The following ADAM33 variants were observed in gnomAD, a reference collection of about 807,000 sequenced individuals.
ADAM33 encodes ADAM metallopeptidase domain 33.
A neutral mutation model predicts 106.2 loss-of-function variants in ADAM33; 103 were observed. The observed-to-expected ratio is 0.97, with a 90% CI of 0.83 to 1.14. ADAM33 has a LOEUF of 1.14. Ranked by LOEUF, ADAM33 falls within the 50% of genes most tolerant of loss-of-function variation. The pLI, the probability that ADAM33 is intolerant of heterozygous loss-of-function variation, is 0.00. For synonymous variants in ADAM33, 483 were observed against 453.0 expected (o/e 1.07, Z -0.84); for missense variants, 1,120 against 1,096.6 (o/e 1.02, Z -0.30).
chr20:3,673,730 G>T lies in ADAM33; in HGVS notation c.905+15C>A. On this transcript the variant is annotated intron_variant, in intron 9 of 21. Coordinates refer to ENST00000356518, the MANE Select transcript of ADAM33 (RefSeq NM_025220.5). Reference sequence around the variant, plus strand: ...CGCCCCACCCGGGACCCGCGTCCGGGTCAGAGGCACCCACGTGAGCAGCTG... The same window carrying T: ...CGCCCCACCCGGGACCCGCGTCCGGTTCAGAGGCACCCACGTGAGCAGCTG... 6.8e-7 allele frequency: 1 copy of T among 1,464,792 alleles called. No homozygotes were observed. Among genetic ancestry groups the T allele is most frequent in the Non-Finnish European group, 9.0e-7 (1 of 1,113,846 alleles). The allele number at this position is 1,464,792 out of a possible 1,614,324, so 90.7% of individuals were successfully genotyped here. A position where few individuals can be genotyped will look rare whatever the true frequency, so the allele number is the denominator to read the frequency against.
At chr20:3,674,749 C>G in intron 5 of ADAM33, 24 bp downstream of exon 5, 2 of 1,597,094 alleles carry the variant, frequency 1.3e-6, no homozygotes, top group Non-Finnish European at 1.7e-6. Context: ...CATCCCAGGC[C>G]CAGCCTCCTC....
At chr20:3,681,818 G>A (rs1368053999) in intron 1 of ADAM33, 90 bp downstream of exon 1, 25 of 1,479,976 alleles carry the variant, frequency 1.7e-5, no homozygotes, top group Non-Finnish European at 2.1e-5. Flanking sequence ...GACCCTCCGC[G>A]CGCTGACCCG....
intron 1 of ADAM33, among the ~76,000 whole-genome samples, chr20:3,681,682 G>A (rs186657328): frequency 6.6e-6 from 1 of 152,152 alleles, no homozygotes; most frequent in Non-Finnish European, 1.5e-5. Flanking sequence ...CAGCCGGGCA[G>A]TGTGGGCAAG....
chr20:3,680,816 C>T (rs1034316096), intron 1 of ADAM33, among the ~76,000 whole-genome samples: 3 of 152,152 alleles, frequency 2.0e-5, no homozygotes, highest in Non-Finnish European at 4.4e-5. Flanking sequence ...TGGCCTTGCG[C>T]GCACGTGCTG....
chr20:3,673,518 G>T, intron 10 of ADAM33, 22 bp from the exon 11 acceptor site: 2 of 1,468,974 alleles, frequency 1.4e-6, no homozygotes, highest in Non-Finnish European at 8.9e-7. Flanking sequence ...TGGGAGGGCG[G>T]TCACTGCGGC....
intron 1 of ADAM33, 135 bp from the exon 2 acceptor site, chr20:3,679,706 C>G (rs538963134): frequency 1.5e-6 from 1 of 689,014 alleles, no homozygotes; most frequent in Admixed American, 2.5e-5. Flanking sequence ...ACCTTCAACA[C>G]GCGTGGGCTC....
rs1568828505 is a variant in ADAM33, at chr20:3,681,932, C to T, written c.73G>A (p.Val25Met). The change falls in exon 1 of 22, where the codon GTG becomes ATG. Residue 25 changes from valine (V) to methionine (M), a missense_variant. By Grantham distance (21) the Val-to-Met change is conservative (BLOSUM62 1). Coordinates refer to ENST00000356518, the MANE Select transcript of ADAM33 (RefSeq NM_025220.5). ...LLLLLLLLWP[V>M]PGAGVLQGHI... is the part of the protein sequence containing the mutation. ...CCTTGAAGCACCCCGGCGCCTGGCA[C>T]TGGCCAGAGCAGCAGCAGTAGTAGC... 2 of 1,582,628 alleles carry T rather than the reference C, an allele frequency of 1.3e-6. No individual in the cohort carries two copies. Among genetic ancestry groups the T allele is most frequent in the Non-Finnish European group, 1.7e-6 (2 of 1,165,678 alleles).
rs558390737 is a variant in ADAM33 at position 3,672,106 on chromosome 20, G to A, written c.1597+28C>T. 7.5e-6 allele frequency: 12 copies of A among 1,596,794 alleles called. No homozygotes were observed. In the East Asian group the frequency reaches 2.7e-4, roughly 36 times the overall value. On this transcript the variant is annotated intron_variant, in intron 14 of 21. Transcript: ENST00000356518. ...TGGCCCCACCAGAGGATGGGGGGCA[G>A]GGTGCAAGGGTGCTCGTGTCCTCTC...
chr20:3,672,545 G>T lies in ADAM33; in HGVS notation c.1393C>A (p.Arg465Ser), dbSNP rs2087613333. ...AQCAHGDCCV[R>S]CLLKPAGALC... Reference sequence around the variant, plus strand: ...ACCTTCCATGCCCTCACCAGGCAGCGCACGCAGCAGTCCCCGTGGGCGCAC... The same window carrying T: ...ACCTTCCATGCCCTCACCAGGCAGCTCACGCAGCAGTCCCCGTGGGCGCAC... Residue 465 changes from arginine (R) to serine (S), a missense_variant, in exon 13 of 22, where the codon CGC becomes AGC. Arg to Ser is a moderately radical substitution (Grantham distance 110). Transcript: ENST00000356518. The T allele has an allele frequency of 6.2e-7, 1 of 1,613,232 alleles. No individual in the cohort carries two copies. Among genetic ancestry groups the T allele is most frequent in the Non-Finnish European group, 8.5e-7 (1 of 1,179,688 alleles).
At chr20:3,672,674 A>G (rs761109951) in intron 12 of ADAM33, 47 bp downstream of exon 12, 3 of 1,607,760 alleles carry the variant, frequency 1.9e-6, no homozygotes, top group Middle Eastern at 1.7e-4. Flanking sequence ...GCAGCGCCCC[A>G]GACCTGAGCG....
chr20:3,674,549 C>T lies in ADAM33; in HGVS notation c.555G>A (p.Gly185=). ...GAAGGCTGGTCATGCCCGCTTTGTTCCCAGGATCCCTGTGGCCACAGGTTC... is the reference window on the plus strand; with the variant it reads ...GAAGGCTGGTCATGCCCGCTTTGTTTCCAGGATCCCTGTGGCCACAGGTTC... ...WKGTCGHRDP[G]NKAGMTSLPG... Residue 185 remains glycine (G), a synonymous_variant, in exon 6 of 22, where the codon GGG becomes GGA. Transcript: ENST00000356518. The T allele has an allele frequency of 6.2e-7, 1 of 1,613,658 alleles. No homozygotes were observed. Among genetic ancestry groups the T allele is most frequent in the Non-Finnish European group, 8.5e-7 (1 of 1,179,938 alleles).
rs2087594254 is a variant in ADAM33 at position 3,672,348 on chromosome 20, G to C, written c.1402-19C>G. Reference sequence around the variant, plus strand: ...GCTTCAGCTGCGCAGGTGACGGGTGGTGGGGAAGGCAGAGAGAGGCCACGT... The same window carrying C: ...GCTTCAGCTGCGCAGGTGACGGGTGCTGGGGAAGGCAGAGAGAGGCCACGT... On this transcript the variant is annotated intron_variant, in intron 13 of 21. Coordinates refer to ENST00000356518, the MANE Select transcript of ADAM33 (RefSeq NM_025220.5). 1 of 1,609,994 alleles carries C rather than the reference G, an allele frequency of 6.2e-7. No homozygotes were observed. Among genetic ancestry groups the C allele is most frequent in the African/African-American group, 1.3e-5 (1 of 75,052 alleles).
In ADAM33 at chr20:3,671,912, C is replaced by T. The variant is rs2087561850; in HGVS notation, c.1671G>A (p.Gln557=). The change falls in exon 15 of 22, where the codon CAG becomes CAA. Residue 557 remains glutamine, a synonymous_variant. Coordinates refer to ENST00000356518, the MANE Select transcript of ADAM33 (RefSeq NM_025220.5). ...SAGDAHGNCG[Q]DSEGHFLPCA... is the part of the protein sequence containing the mutation. ...AGGGCAGGAAGTGGCCCTCGCTGTC[C>T]TGGCCGCAGTTTCCATGAGCATCTC... 1.9e-6 allele frequency: 3 copies of T among 1,554,828 alleles called. No individual in the cohort carries two copies. The highest frequency in any genetic ancestry group is 2.6e-6 in the Non-Finnish European group (3 of 1,148,642).
At chr20:3,677,684 GC>G (rs1169841009) in intron 2 of ADAM33, among the ~76,000 whole-genome samples, 2 of 152,060 alleles carry the variant, frequency 1.3e-5, no homozygotes, top group African/African-American at 2.4e-5. Flanking sequence ...GCCTCCAGCA[GC>G]CCCCGTCCCT....
Position 3,668,535 on chromosome 20 carries a change from C to T in ADAM33, c.*428G>A, listed in dbSNP as rs1600191140. Reference sequence around the variant, plus strand: ...GGCTCCAGGGGAGTGTGGACTCAGTCGAACCATAGGGCCCCAGGACCACTA... The same window carrying T: ...GGCTCCAGGGGAGTGTGGACTCAGTTGAACCATAGGGCCCCAGGACCACTA... On this transcript the variant is annotated 3_prime_UTR_variant, in exon 22 of 22. Coordinates refer to ENST00000356518, the MANE Select transcript of ADAM33 (RefSeq NM_025220.5). 1 of 227,106 alleles carries T rather than the reference C, an allele frequency of 4.4e-6. No homozygotes were observed. Among genetic ancestry groups the T allele is most frequent in the Non-Finnish European group, 8.8e-6 (1 of 113,672 alleles). The allele number at this position is 227,106 out of a possible 1,614,324, so 14.1% of individuals were successfully genotyped here.
Position 3,674,693 on chromosome 20 carries a change from A to C in ADAM33, c.411T>G (p.Ser137Arg), listed in dbSNP as rs776787808. 1 of 1,606,648 alleles carries C rather than the reference A, an allele frequency of 6.2e-7. No homozygotes were observed. The highest frequency in any genetic ancestry group is 1.1e-5 in the South Asian group (1 of 90,186). ...WVVLCTCSGM[S>R]GLITLSRNAS... The stretch of plus-strand genomic sequence containing the variant: ...CATTCCTGCTGAGGGTGATCAGGCC[A>C]CTAGGGTGCAGAGGGGTAGGAGCGG... Residue 137 changes from serine to arginine, a missense_variant and splice_region_variant, in exon 6 of 22, where the codon AGT becomes AGG. By Grantham distance (110) the Ser-to-Arg change is moderately radical. Coordinates refer to ENST00000356518, the MANE Select transcript of ADAM33 (RefSeq NM_025220.5).
chr20:3,677,649 G>A (rs1295511168), intron 2 of ADAM33, among the ~76,000 whole-genome samples: 1 of 152,194 alleles, frequency 6.6e-6, no homozygotes, highest in Non-Finnish European at 1.5e-5. Flanking sequence ...TTGGCAAACT[G>A]CTCCCTCTTC....
rs41419248 is a variant in ADAM33 at position 3,673,394 on chromosome 20, C to A, written c.1093G>T (p.Ala365Ser). 662 of 1,547,554 alleles carry A rather than the reference C, an allele frequency of 4.3e-4. 4 individuals carry two copies. In the African/African-American group the frequency reaches 8.3e-3, roughly 19 times the overall value. Residue 365 changes from alanine to serine, a missense_variant, in exon 11 of 22, where the codon GCG (alanine) becomes TCG (serine). Ala to Ser is a moderately conservative substitution (Grantham distance 99). Transcript: ENST00000356518. Reference protein sequence around the residue: ...HDPDGCCVEAAAESGGCVMAA... With the variant: ...HDPDGCCVEASAESGGCVMAA... Reference sequence around the variant, plus strand: ...ATGACGCAGCCTCCGGACTCGGCCGCAGCCTCCACGCAGCAGCCGTCGGGG... The same window carrying A: ...ATGACGCAGCCTCCGGACTCGGCCGAAGCCTCCACGCAGCAGCCGTCGGGG...
At chr20:3,674,901 G>T in intron 4 of ADAM33, 52 bp from the exon 5 acceptor site, 1 of 1,608,678 alleles carries the variant, frequency 6.2e-7, no homozygotes, top group Non-Finnish European at 8.5e-7. Flanking sequence ...GAGCAAGAGG[G>T]GCAAGAGGGA....
Sources: allele counts gnomAD v4.1 joint callset (sites outside exome capture counted in the v4.1 genomes callset), GRCh38; gene constraint gnomAD v4.1.1; transcripts MANE v1.5; gene names NCBI Gene and HGNC (gene_info 2026-07-23, HGNC 2026-07-21).